The following LCP2 variants were observed in gnomAD, a reference collection of about 807,000 sequenced individuals.
The protein encoded by LCP2 is lymphocyte cytosolic protein 2, also known as 76 kDa tyrosine phosphoprotein.
Under a neutral mutation model 74.5 loss-of-function variants are expected in LCP2, and 29 were observed. The observed-to-expected ratio is 0.39, with a 90% confidence interval of 0.29 to 0.53. The LOEUF is 0.53. LCP2 is among the 20% of genes least tolerant of loss of function. The pLI, the probability that LCP2 is intolerant of heterozygous loss-of-function variation, is 0.72. For synonymous variants in LCP2, 228 were observed against 229.5 expected, an observed-to-expected ratio of 0.99 and a Z score of 0.06; for missense variants, 604 against 634.6, an observed-to-expected ratio of 0.95 and a Z score of 0.52.
chr5:170,268,684 C>G lies in LCP2; in HGVS notation c.524-202G>C, dbSNP rs1035241587. 2.6e-5 allele frequency among the ~76,000 whole-genome samples: 4 copies of G among 151,882 alleles called. No individual in the cohort carries two copies. The South Asian group carries it at 8.3e-4, about 32-fold the overall frequency. On this transcript the variant is annotated intron_variant, in intron 7 of 20. Coordinates refer to ENST00000046794, the MANE Select transcript of LCP2 (RefSeq NM_005565.5). ...TTTTTCTGTCCTAGTTTGTGTCACT[C>G]TCCTTATACACAGGCTCAGCTTTCT... is the stretch of plus-strand genomic sequence containing the variant.
intron 3 of LCP2, among the ~76,000 whole-genome samples, chr5:170,280,554 G>A (rs547548984): frequency 2.0e-5 from 3 of 152,284 alleles, no homozygotes; most frequent in East Asian, 3.9e-4. Flanking sequence ...GGCCTCGGTC[G>A]AGAGTGTAAG....
In LCP2 at chr5:170,267,094, G is replaced by A. The variant is rs765498917; in HGVS notation, c.622-19C>T. On this transcript the variant is annotated intron_variant, in intron 8 of 20. Coordinates refer to ENST00000046794, the MANE Select transcript of LCP2 (RefSeq NM_005565.5). The stretch of plus-strand genomic sequence containing the variant: ...GCAGTGGCTGCATAAAGATCCAAAC[G>A]TTAGGAAGCACTTCCAATACATCAG... 2.5e-6 allele frequency: 4 copies of A among 1,612,986 alleles called. No individual in the cohort carries two copies. The highest frequency in any genetic ancestry group is 1.7e-6 in the Non-Finnish European group (2 of 1,179,584).
At chr5:170,267,246 G>C in intron 8 of LCP2, 171 bp from the exon 9 acceptor site, 1 of 645,718 alleles carries the variant, frequency 1.5e-6, no homozygotes, top group Non-Finnish European at 2.7e-6. Flanking sequence ...TGAGCTCCCT[G>C]TTCTAGACTC....
intron 2 of LCP2, among the ~76,000 whole-genome samples, chr5:170,291,350 C>T (rs1433948321): frequency 4.6e-5 from 7 of 152,180 alleles, no homozygotes; most frequent in African/African-American, 1.4e-4. Flanking sequence ...TTAGATCAAG[C>T]GTCCCAAATT....
chr5:170,259,436 C>A (rs1168088611), intron 14 of LCP2, among the ~76,000 whole-genome samples: 1 of 152,166 alleles, frequency 6.6e-6, no homozygotes, highest in African/African-American at 2.4e-5. Context: ...TCATCTACAA[C>A]CCTCACCATT....
chr5:170,264,374 C>G (rs889275741), intron 10 of LCP2, among the ~76,000 whole-genome samples: 4 of 152,204 alleles, frequency 2.6e-5, no homozygotes, highest in African/African-American at 9.7e-5. Context: ...CCTTTCTTTC[C>G]CTTCCTTCCA....
At chr5:170,261,408 TATATATATATATATA>T (rs1761649621) in intron 13 of LCP2, among the ~76,000 whole-genome samples, 1 of 59,038 alleles carries the variant, frequency 1.7e-5, no homozygotes, top group African/African-American at 6.5e-5. Flanking sequence ...TGTGTGTGTG[TATATATATATATATA>T]CACACTCTAT....
At chr5:170,275,444 GT>G in intron 4 of LCP2, 93 bp from the exon 5 acceptor site, 8 of 1,390,452 alleles carry the variant, frequency 5.8e-6, no homozygotes, top group Non-Finnish European at 8.2e-6. Context: ...GGAGTCCCCA[GT>G]GGAGGGCATG....
At chr5:170,292,367 G>T (rs745506619) in intron 2 of LCP2, among the ~76,000 whole-genome samples, 2 of 152,130 alleles carry the variant, frequency 1.3e-5, no homozygotes, top group Non-Finnish European at 2.9e-5. Flanking sequence ...GTGGTGGTGA[G>T]CTCACCATCA....
intron 12 of LCP2, 36 bp downstream of exon 12, chr5:170,262,806 G>T (rs532374249): frequency 1.9e-6 from 3 of 1,613,862 alleles, no homozygotes; most frequent in South Asian, 2.2e-5. Flanking sequence ...TCTACAGAAC[G>T]TCCCATGTAC....
chr5:170,262,958 A>G lies in LCP2; in HGVS notation c.798+9T>C, dbSNP rs188404572. On this transcript the variant is annotated intron_variant, in intron 11 of 20. Coordinates refer to ENST00000046794, the MANE Select transcript of LCP2 (RefSeq NM_005565.5). ...ACAAACACAACCAAAAAACAAGTTC[A>G]CAGCTTACCTTGTCAGAAAATGGTG... 363 of 1,614,026 alleles carry G rather than the reference A, an allele frequency of 2.2e-4. 1 individual carries two copies. In the East Asian group the frequency reaches 7.5e-3, roughly 33 times the overall value.
intron 2 of LCP2, among the ~76,000 whole-genome samples, chr5:170,292,289 C>T (rs934483004): frequency 1.3e-5 from 2 of 152,108 alleles, no homozygotes; most frequent in Non-Finnish European, 2.9e-5. Context: ...AAACTCAGAC[C>T]AATAGGAGCA....
intron 20 of LCP2, 49 bp from the exon 21 acceptor site, chr5:170,248,868 GGAACTTCACTTTCA>G (rs1470196777): frequency 3.8e-6 from 6 of 1,594,212 alleles, no homozygotes; most frequent in Non-Finnish European, 5.1e-6. Context: ...ATGAAAAGCA[GGAACTTCACTTTCA>G]GTTTTTTTAT....
At chr5:170,263,066 T>A in intron 10 of LCP2, 74 bp from the exon 11 acceptor site, 1 of 1,539,394 alleles carries the variant, frequency 6.5e-7, no homozygotes, top group Non-Finnish European at 8.9e-7. Context: ...CACAGTTTGA[T>A]GAAACTATGA....
At position 170,274,344 on chromosome 5, in the gene LCP2, G is replaced by T; in HGVS notation, c.287-6C>A. 2 of 1,612,794 alleles carry T rather than the reference G, an allele frequency of 1.2e-6. No homozygotes were observed. The highest frequency in any genetic ancestry group is 1.7e-6 in the Non-Finnish European group (2 of 1,179,424). On this transcript the variant is annotated splice_polypyrimidine_tract_variant and splice_region_variant and intron_variant, in intron 5 of 20. Transcript: ENST00000046794. ...ATTGTCCTCTTCGTGGCTTTCTGTG[G>T]AAGGAGATGACACCACCATCAGCAC...
chr5:170,297,671 G>T lies in LCP2; in HGVS notation c.-60C>A. ...CATGGGCGCTTCACCCATGGGCAGA[G>T]AAGCTCAAATCCAGAGCTCGGAGGC... On this transcript the variant is annotated 5_prime_UTR_variant, in exon 1 of 21. Transcript: ENST00000046794. 6.8e-7 allele frequency: 1 copy of T among 1,462,812 alleles called. No individual in the cohort carries two copies. Among genetic ancestry groups the T allele is most frequent in the Non-Finnish European group, 9.4e-7 (1 of 1,069,152 alleles). The allele number at this position is 1,462,812 out of a possible 1,614,324, so 90.6% of individuals were successfully genotyped here. A position where few individuals can be genotyped will look rare whatever the true frequency, so the allele number is the denominator to read the frequency against.
chr5:170,275,974 G>T, intron 3 of LCP2, 114 bp from the exon 4 acceptor site: 3 of 814,160 alleles, frequency 3.7e-6, no homozygotes, highest in Admixed American at 2.1e-5. Flanking sequence ...GCCAACTTTG[G>T]CCAGGCTCCT....
intron 2 of LCP2, among the ~76,000 whole-genome samples, chr5:170,290,085 C>T (rs930685930): frequency 3.3e-5 from 5 of 152,166 alleles, no homozygotes; most frequent in African/African-American, 1.2e-4. Context: ...GATGTTGAAA[C>T]AGAATTTTTG....
intron 1 of LCP2, among the ~76,000 whole-genome samples, chr5:170,294,822 T>C (rs1762345856): frequency 6.6e-6 from 1 of 152,206 alleles, no homozygotes; most frequent in Admixed American, 6.5e-5. Context: ...GTTATCATTA[T>C]GAGATAAACC....
Sources: gnomAD v4.1 joint callset for allele counts (sites outside exome capture counted in the v4.1 genomes callset) on GRCh38, gnomAD v4.1.1 for gene constraint, MANE v1.5 for transcripts, NCBI Gene and HGNC (gene_info 2026-07-23, HGNC 2026-07-21) for gene names.